SDK1: variants seen among roughly 807,000 people sequenced by gnomAD.
SDK1 encodes the protein sidekick cell adhesion molecule 1.
In SDK1, 157 loss-of-function variants were observed where a neutral mutation model predicts 245.5. The observed-to-expected ratio is 0.64, with a 90% confidence interval of 0.56 to 0.73. SDK1 has a LOEUF of 0.73. Ranked by LOEUF, SDK1 falls within the 30% of genes least tolerant of loss-of-function variation. SDK1 has a pLI of 0.00. For synonymous variants in SDK1, 1,647 were observed against 1,278.5 expected (o/e 1.29, Z -6.15); for missense variants, 3,583 against 3,002.3 (o/e 1.19, Z -4.52).
chr7:3,364,514 C>G (rs1373357957), intron 1 of SDK1, among the ~76,000 whole-genome samples: 1 of 152,134 alleles, frequency 6.6e-6, no homozygotes, highest in Non-Finnish European at 1.5e-5. Flanking sequence ...GCAATTGCTC[C>G]TGCACCATTT....
At chr7:3,473,095 G>A (rs1008932326) in intron 1 of SDK1, among the ~76,000 whole-genome samples, 2 of 152,046 alleles carry the variant, frequency 1.3e-5, no homozygotes, top group African/African-American at 4.8e-5. Flanking sequence ...GTTTTCATAT[G>A]TACACATTTA....
chr7:4,128,912 G>A (rs1407368896), intron 26 of SDK1, among the ~76,000 whole-genome samples: 4 of 134,482 alleles, frequency 3.0e-5, no homozygotes, highest in Admixed American at 7.2e-5. Context: ...GGGGTCCCCT[G>A]GAGGAGAGCA....
At chr7:3,594,876 C>G (rs1032081682) in intron 1 of SDK1, among the ~76,000 whole-genome samples, 26 of 152,172 alleles carry the variant, frequency 1.7e-4, no homozygotes, top group African/African-American at 2.4e-5. Flanking sequence ...ATACCTGCAT[C>G]TCATTAAAAG....
intron 1 of SDK1, among the ~76,000 whole-genome samples, chr7:3,571,857 C>G (rs1020488738): frequency 2.6e-5 from 4 of 152,036 alleles, no homozygotes; most frequent in African/African-American, 4.8e-5. Context: ...AATCTGCTAT[C>G]TGTATTTTAA....
Position 3,724,774 on chromosome 7 carries a change from A to G in SDK1, c.713+82669A>G, listed in dbSNP as rs574150025. ...AGTCAGCTTTCGGAAGGAAAAAGGA[A>G]TGAGGAGGGAGCCCACCTACCTCTT... On this transcript the variant is annotated intron_variant, in intron 4 of 44. Transcript: ENST00000404826. 7.9e-5 allele frequency among the ~76,000 whole-genome samples: 12 copies of G among 152,250 alleles called. No homozygotes were observed. The South Asian group carries it at 2.5e-3, about 32-fold the overall frequency.
chr7:3,394,642 C>T (rs577999521), intron 1 of SDK1, among the ~76,000 whole-genome samples: 61 of 151,916 alleles, frequency 4.0e-4, no homozygotes, highest in African/African-American at 1.4e-3. Context: ...TTGAGTCTTT[C>T]GATCCATAAA....
intron 1 of SDK1, among the ~76,000 whole-genome samples, chr7:3,601,183 C>G (rs1781242212): frequency 6.6e-6 from 1 of 152,020 alleles, no homozygotes; most frequent in African/African-American, 2.4e-5. Context: ...CTATAGTTTA[C>G]TTTTTTGTAT....
chr7:3,928,507 T>G (rs532930685), intron 5 of SDK1, among the ~76,000 whole-genome samples: 57 of 152,250 alleles, frequency 3.7e-4, no homozygotes, highest in Non-Finnish European at 2.9e-5. Flanking sequence ...AATATGAAAT[T>G]GTAGGACTGA....
intron 5 of SDK1, among the ~76,000 whole-genome samples, chr7:3,900,672 C>G (rs945912042): frequency 1.3e-5 from 2 of 152,220 alleles, no homozygotes; most frequent in Admixed American, 1.3e-4. Flanking sequence ...TACCTGACAC[C>G]CTTCACCTAG....
intron 21 of SDK1, among the ~76,000 whole-genome samples, chr7:4,077,536 G>C (rs1316964933): frequency 6.6e-6 from 1 of 152,146 alleles, no homozygotes; most frequent in Non-Finnish European, 1.5e-5. Context: ...CCATTTTCAT[G>C]CTGCTGATAA....
rs1788419841 is a variant in SDK1, at chr7:4,265,620, A to T, written c.*236A>T. The T allele has an allele frequency of 1.5e-6, 2 of 1,329,436 alleles. No individual in the cohort carries two copies. Among genetic ancestry groups the T allele is most frequent in the African/African-American group, 1.6e-5 (1 of 64,432 alleles). 82.4% of individuals were successfully genotyped at this position (1,329,436 alleles called of 1,614,324 possible). On this transcript the variant is annotated 3_prime_UTR_variant, in exon 45 of 45. Coordinates refer to ENST00000404826, the MANE Select transcript of SDK1 (RefSeq NM_152744.4). ...TTTGTTTCTTTTTCTTTTCTTTTTAAGAGAAGGTGTATTTCACTGGTGCAA... is the reference window on the plus strand; with the variant it reads ...TTTGTTTCTTTTTCTTTTCTTTTTATGAGAAGGTGTATTTCACTGGTGCAA...
chr7:4,050,714 G>A (rs766210547), intron 18 of SDK1, among the ~76,000 whole-genome samples: 1 of 151,898 alleles, frequency 6.6e-6, no homozygotes, highest in Non-Finnish European at 1.5e-5. Flanking sequence ...AAATAATTAA[G>A]ATTATTGCTG....
chr7:3,905,823 T>C (rs1356011276), intron 5 of SDK1, among the ~76,000 whole-genome samples: 1 of 151,992 alleles, frequency 6.6e-6, no homozygotes, highest in Non-Finnish European at 1.5e-5. Flanking sequence ...AGTGTCTTGC[T>C]ATGTTGCCCA....
At chr7:3,564,435 G>A (rs1172567461) in intron 1 of SDK1, among the ~76,000 whole-genome samples, 6 of 152,014 alleles carry the variant, frequency 3.9e-5, no homozygotes, top group Admixed American at 1.3e-4. Flanking sequence ...GTTGCAGTGA[G>A]CCGAGATTGC....
intron 1 of SDK1, among the ~76,000 whole-genome samples, chr7:3,415,920 C>T (rs765098247): frequency 1.3e-5 from 2 of 152,094 alleles, no homozygotes; most frequent in South Asian, 4.1e-4. Flanking sequence ...CACTCTCCCC[C>T]ATCCTGCTCA....
intron 1 of SDK1, among the ~76,000 whole-genome samples, chr7:3,333,231 C>T (rs1780114478): frequency 6.6e-6 from 1 of 151,966 alleles, no homozygotes; most frequent in African/African-American, 2.4e-5. Context: ...GTCAATATGG[C>T]CGGTTATTGG....
intron 1 of SDK1, among the ~76,000 whole-genome samples, chr7:3,308,801 G>C (rs191483383): frequency 8.5e-5 from 13 of 152,124 alleles, no homozygotes; most frequent in Admixed American, 8.5e-4. Flanking sequence ...TGGTATTCTA[G>C]ACCTAATTCT....
intron 4 of SDK1, among the ~76,000 whole-genome samples, chr7:3,767,887 A>C (rs1281881923): frequency 3.9e-5 from 6 of 152,232 alleles, no homozygotes; most frequent in African/African-American, 1.2e-4. Flanking sequence ...CTGTCTCCCA[A>C]AGCAAGGAGA....
intron 1 of SDK1, among the ~76,000 whole-genome samples, chr7:3,423,784 A>G (rs1779597647): frequency 1.3e-5 from 2 of 152,212 alleles, no homozygotes; most frequent in African/African-American, 4.8e-5. Flanking sequence ...TTTGAAAATT[A>G]TAATTCAACC....
Sources: allele counts gnomAD v4.1 joint callset (sites outside exome capture counted in the v4.1 genomes callset), GRCh38; gene constraint gnomAD v4.1.1; transcripts MANE v1.5; gene names NCBI Gene and HGNC (gene_info 2026-07-23, HGNC 2026-07-21).